The following NR2C2 variants were observed in gnomAD, a reference collection of about 807,000 sequenced individuals.
NR2C2 encodes Nuclear hormone receptor TR4.
In NR2C2, 6 loss-of-function variants were observed where a neutral mutation model predicts 62.9. The observed-to-expected ratio is 0.10, with a 90% CI of 0.05 to 0.19. NR2C2 has a LOEUF of 0.19. Ranked by LOEUF, NR2C2 falls within the 10% of genes least tolerant of loss-of-function variation. NR2C2 has a pLI of 1.00. For synonymous variants in NR2C2, 272 were observed against 273.8 expected (o/e 0.99, Z 0.07); for missense variants, 479 against 762.7 (o/e 0.63, Z 4.38).
At chr3:14,962,897 T>C (rs2039728553) in intron 1 of NR2C2, among the ~76,000 whole-genome samples, 1 of 152,172 alleles carries the variant, frequency 6.6e-6, no homozygotes, top group Non-Finnish European at 1.5e-5. Flanking sequence ...GGACCAGGGA[T>C]TGTACTAAGT....
intron 11 of NR2C2, among the ~76,000 whole-genome samples, chr3:15,037,337 T>C (rs187616321): frequency 2.6e-4 from 40 of 152,198 alleles, no homozygotes; most frequent in African/African-American, 8.7e-4. Context: ...TCCCGAAATA[T>C]TGGGACTAGA....
intron 7 of NR2C2, among the ~76,000 whole-genome samples, chr3:15,027,824 T>C (rs2041865455): frequency 6.6e-6 from 1 of 151,776 alleles, no homozygotes; most frequent in South Asian, 2.1e-4. Flanking sequence ...TCTCAAACTC[T>C]TGGGCTCAAG....
intron 5 of NR2C2, 123 bp downstream of exon 5, chr3:15,021,055 T>A: frequency 2.1e-6 from 2 of 961,632 alleles, no homozygotes; most frequent in Non-Finnish European, 3.0e-6. Flanking sequence ...CACTCAGGCT[T>A]CATTTTGGTT....
intron 1 of NR2C2, among the ~76,000 whole-genome samples, chr3:14,977,948 C>CAAAA (rs11388882): frequency 1.3e-4 from 14 of 104,172 alleles, no homozygotes; most frequent in East Asian, 6.0e-4. Context: ...GACTCTGCCT[C>CAAAA]AAAAAAAAAA....
At chr3:15,010,205 C>A (rs984124060) in intron 2 of NR2C2, among the ~76,000 whole-genome samples, 8 of 152,038 alleles carry the variant, frequency 5.3e-5, no homozygotes, top group African/African-American at 1.9e-4. Flanking sequence ...AGGAATCTAT[C>A]TGTGTTTGTT....
At chr3:14,996,703 TG>T (rs2040841621) in intron 1 of NR2C2, among the ~76,000 whole-genome samples, 1 of 152,188 alleles carries the variant, frequency 6.6e-6, no homozygotes, top group African/African-American at 2.4e-5. Context: ...CCCGAGTAGC[TG>T]GGACTCCAGG....
intron 1 of NR2C2, among the ~76,000 whole-genome samples, chr3:14,984,181 C>A (rs2125339102): frequency 6.6e-6 from 1 of 152,314 alleles, no homozygotes; most frequent in Non-Finnish European, 1.5e-5. Flanking sequence ...AGCCACCATG[C>A]CTGGCCTTGT....
intron 1 of NR2C2, among the ~76,000 whole-genome samples, chr3:14,998,625 A>G (rs2040898782): frequency 6.6e-6 from 1 of 152,146 alleles, no homozygotes; most frequent in Non-Finnish European, 1.5e-5. Context: ...TCTTGTTATT[A>G]AGTTGTAATG....
chr3:15,029,363 G>T (rs1206351886), intron 8 of NR2C2, among the ~76,000 whole-genome samples: 1 of 151,990 alleles, frequency 6.6e-6, no homozygotes, highest in Non-Finnish European at 1.5e-5. Context: ...GCCGATAACT[G>T]CTACTAAGGA....
chr3:15,015,930 T>C (rs1313048450), intron 3 of NR2C2, among the ~76,000 whole-genome samples: 2 of 151,858 alleles, frequency 1.3e-5, no homozygotes, highest in African/African-American at 4.8e-5. Flanking sequence ...GCCTCCAGAG[T>C]AGCTGGGGAT....
intron 1 of NR2C2, among the ~76,000 whole-genome samples, chr3:14,955,382 A>C (rs974464482): frequency 6.6e-6 from 1 of 152,106 alleles, no homozygotes; most frequent in East Asian, 1.9e-4. Context: ...TAAATGATCT[A>C]GCTTATTGAT....
At chr3:14,948,251 C>T (rs1352499818) in intron 1 of NR2C2, 1 of 152,664 alleles carries the variant, frequency 6.6e-6, no homozygotes, top group African/African-American at 2.4e-5. Context: ...TCCCTTCCTC[C>T]TTATCCTCCT....
chr3:14,978,807 CCTCTTTGGTTCA>C (rs755254065), intron 1 of NR2C2, among the ~76,000 whole-genome samples: 5 of 152,144 alleles, frequency 3.3e-5, no homozygotes, highest in Admixed American at 6.5e-5. Flanking sequence ...GGGTCTGGGA[CCTCTTTGGTTCA>C]CTCTTTGGTT....
At chr3:14,969,263 T>G (rs1174408886) in intron 1 of NR2C2, among the ~76,000 whole-genome samples, 2 of 139,860 alleles carry the variant, frequency 1.4e-5, no homozygotes, top group South Asian at 2.2e-4. Flanking sequence ...TTTTTTTTTT[T>G]GAAACAGAGT....
chr3:15,040,258 G>C (rs976858445), intron 13 of NR2C2, among the ~76,000 whole-genome samples: 19 of 152,230 alleles, frequency 1.2e-4, no homozygotes, highest in African/African-American at 4.6e-4. Flanking sequence ...GCATTGGCAG[G>C]CTTTCCAGCC....
In NR2C2 at chr3:15,048,890, G is replaced by GTGTT. The variant is rs775018747; in HGVS notation, c.*5883_*5886dup. 7 of 152,630 alleles carry GTGTT rather than the reference G, an allele frequency of 4.6e-5. No individual in the cohort carries two copies. Among genetic ancestry groups the GTGTT allele is most frequent in the Admixed American group, 6.5e-5 (1 of 15,282 alleles). 9.5% of individuals were successfully genotyped at this position (152,630 alleles called of 1,614,324 possible). A position where few individuals can be genotyped will look rare whatever the true frequency, so the allele number is the denominator to read the frequency against. ...ATCTATCTATCAAAGGAAAATTTGG[G>GTGTT]TGTTAGATTTTCTTGGGACCGTTTC... On this transcript the variant is annotated 3_prime_UTR_variant, in exon 14 of 14. Coordinates refer to ENST00000425241, the MANE Select transcript of NR2C2 (RefSeq NM_001291694.2).
chr3:14,947,986 G>A lies in NR2C2; in HGVS notation c.-40+80G>A, dbSNP rs1042381670. 15 of 152,174 alleles carry A rather than the reference G, an allele frequency of 9.9e-5. No homozygotes were observed. The South Asian group carries it at 1.9e-3, about 20-fold the overall frequency. The allele number at this position is 152,174 out of a possible 1,614,324, so 9.4% of individuals were successfully genotyped here. A position where few individuals can be genotyped will look rare whatever the true frequency, so the allele number is the denominator to read the frequency against. On this transcript the variant is annotated intron_variant, in intron 1 of 13. Transcript: ENST00000425241. ...TGGCGCGCGGACATGGAGGCGCCGC[G>A]GCGGCGGCTGAACCCGACCCTTTTA... is the stretch of plus-strand genomic sequence containing the variant.
chr3:15,005,470 G>A (rs1364049458), intron 2 of NR2C2, among the ~76,000 whole-genome samples: 1 of 137,098 alleles, frequency 7.3e-6, no homozygotes, highest in Non-Finnish European at 1.5e-5. Flanking sequence ...ACCTGCCTCA[G>A]CCTCCCAAAG....
In NR2C2 at chr3:14,972,716, C is replaced by T. The variant is rs564284668; in HGVS notation, c.-40+24810C>T. ...GAGGTTTAATTGGCTCACGGTTCCA[C>T]AGGCTGTACAGAGAGCACGGCAGCA... On this transcript the variant is annotated intron_variant, in intron 1 of 13. Coordinates refer to ENST00000425241, the MANE Select transcript of NR2C2 (RefSeq NM_001291694.2). 3.0e-4 allele frequency among the ~76,000 whole-genome samples: 45 copies of T among 152,278 alleles called. No homozygotes were observed. In the South Asian group the frequency reaches 3.1e-3, roughly 11 times the overall value.
Sources: allele counts gnomAD v4.1 joint callset (sites outside exome capture counted in the v4.1 genomes callset), GRCh38; gene constraint gnomAD v4.1.1; transcripts MANE v1.5; gene names NCBI Gene and HGNC (gene_info 2026-07-23, HGNC 2026-07-21).